SPHKAP: variants seen among roughly 807,000 people sequenced by gnomAD.
The protein encoded by SPHKAP is A-kinase anchor protein SPHKAP.
Under a neutral mutation model 137.5 loss-of-function variants are expected in SPHKAP, and 67 were observed. That is an observed-to-expected ratio of 0.49 (90% confidence interval 0.40 to 0.60). SPHKAP has a LOEUF of 0.60. Ranked by LOEUF, SPHKAP falls within the 20% of genes least tolerant of loss-of-function variation. The pLI, the probability that SPHKAP is intolerant of heterozygous loss-of-function variation, is 0.00. For missense variants in SPHKAP, 2,097 were observed against 2,069.3 expected, an observed-to-expected ratio of 1.01 and a Z score of -0.26; for synonymous variants, 813 against 785.3, an observed-to-expected ratio of 1.04 and a Z score of -0.59.
chr2:228,093,635 G>A (rs1461501846), intron 3 of SPHKAP, among the ~76,000 whole-genome samples: 1 of 151,846 alleles, frequency 6.6e-6, no homozygotes, highest in Admixed American at 6.6e-5. Context: ...TGAGGTGGGG[G>A]GACCACTAGG....
chr2:228,062,368 A>T (rs920310107), intron 3 of SPHKAP, among the ~76,000 whole-genome samples: 114 of 151,846 alleles, frequency 7.5e-4, no homozygotes, highest in African/African-American at 2.7e-3. Context: ...CAGGTGATCC[A>T]CCTGCCTCGG....
chr2:228,131,260 G>T (rs1430417018), intron 2 of SPHKAP: 1 of 980,992 alleles, frequency 1.0e-6, no homozygotes, highest in East Asian at 1.1e-4. Context: ...TGCAATAAAT[G>T]AAATAACTCA....
chr2:228,034,143 AAAG>A (rs1695474205), intron 3 of SPHKAP, among the ~76,000 whole-genome samples: 1 of 152,128 alleles, frequency 6.6e-6, no homozygotes, highest in African/African-American at 2.4e-5. Context: ...CAAGACTAAT[AAAG>A]AAGAAAAGAG....
intron 1 of SPHKAP, among the ~76,000 whole-genome samples, chr2:228,138,934 G>A (rs1175721840): frequency 6.6e-6 from 1 of 152,162 alleles, no homozygotes; most frequent in Non-Finnish European, 1.5e-5. Flanking sequence ...CTTCAGATTG[G>A]TGAAAATGTT....
At chr2:228,082,580 C>T (rs573938927) in intron 3 of SPHKAP, among the ~76,000 whole-genome samples, 92 of 152,286 alleles carry the variant, frequency 6.0e-4, no homozygotes, top group Non-Finnish European at 8.5e-4. Flanking sequence ...AAGGGATCCT[C>T]TGTCTTTGTA....
At chr2:228,107,863 G>T (rs1329006935) in intron 3 of SPHKAP, among the ~76,000 whole-genome samples, 1 of 152,164 alleles carries the variant, frequency 6.6e-6, no homozygotes, top group Non-Finnish European at 1.5e-5. Flanking sequence ...AGTACGAAAA[G>T]CAGCAGAATC....
intron 5 of SPHKAP, 40 bp from the exon 6 acceptor site, chr2:228,022,006 A>AAAAT (rs1474574876): frequency 6.5e-6 from 10 of 1,533,164 alleles, no homozygotes; most frequent in Non-Finnish European, 8.7e-6. Flanking sequence ...TTCAAAAGGG[A>AAAAT]AAATAAAAGA....
chr2:228,129,494 T>A (rs1401331077), intron 2 of SPHKAP, among the ~76,000 whole-genome samples: 1 of 152,170 alleles, frequency 6.6e-6, no homozygotes, highest in Non-Finnish European at 1.5e-5. Context: ...GATCTATCTT[T>A]GTATTTCTCC....
At chr2:228,145,144 C>T (rs1699738722) in intron 1 of SPHKAP, among the ~76,000 whole-genome samples, 1 of 152,160 alleles carries the variant, frequency 6.6e-6, no homozygotes, top group African/African-American at 2.4e-5. Flanking sequence ...AAGAGCCAAA[C>T]CTCTTGGAGC....
At chr2:228,073,977 G>A (rs1010186220) in intron 3 of SPHKAP, among the ~76,000 whole-genome samples, 1 of 152,104 alleles carries the variant, frequency 6.6e-6, no homozygotes, top group African/African-American at 2.4e-5. Flanking sequence ...GAACCACACT[G>A]TGAAATATCA....
intron 1 of SPHKAP, among the ~76,000 whole-genome samples, chr2:228,167,231 A>G (rs1233271362): frequency 2.0e-5 from 3 of 152,166 alleles, no homozygotes; most frequent in African/African-American, 7.2e-5. Flanking sequence ...GATACTTTTT[A>G]TAACGATCCA....
intron 1 of SPHKAP, among the ~76,000 whole-genome samples, chr2:228,160,522 A>G (rs929419303): frequency 6.6e-6 from 1 of 152,140 alleles, no homozygotes; most frequent in African/African-American, 2.4e-5. Flanking sequence ...CCCCTTATAA[A>G]ACCATCAGAC....
At position 228,122,278 on chromosome 2, in the gene SPHKAP, C is replaced by T. The variant is rs183294759; in HGVS notation, c.138+9702G>A. On this transcript the variant is annotated intron_variant, in intron 2 of 11. Coordinates refer to ENST00000392056, the MANE Select transcript of SPHKAP (RefSeq NM_001142644.2). ...CTAAGCTATTTGAAGTTTTCAGAGT[C>T]CCCCCTTTTGATTTTTTTTTAAAAA... Among the ~76,000 whole-genome samples the T allele has an allele frequency of 7.1e-3, 1,086 of 152,116 alleles. 12 individuals carry two copies. The highest frequency in any genetic ancestry group is 8.3e-3 in the Non-Finnish European group (567 of 68,002).
chr2:228,142,240 T>A (rs1457552102), intron 1 of SPHKAP, among the ~76,000 whole-genome samples: 1 of 150,282 alleles, frequency 6.7e-6, no homozygotes, highest in Non-Finnish European at 1.5e-5. Flanking sequence ...GCCCAGGGAC[T>A]GCTGGGCAGA....
At chr2:228,130,504 C>T (rs1357373127) in intron 2 of SPHKAP, among the ~76,000 whole-genome samples, 1 of 152,136 alleles carries the variant, frequency 6.6e-6, no homozygotes, top group African/African-American at 2.4e-5. Context: ...TGCTCAAGAT[C>T]GCACAAGTAA....
chr2:228,013,037 A>C (rs1457588003), intron 7 of SPHKAP, among the ~76,000 whole-genome samples: 2 of 152,232 alleles, frequency 1.3e-5, no homozygotes, highest in Non-Finnish European at 2.9e-5. Context: ...CCCATCTCCA[A>C]ACAAAATTAA....
intron 3 of SPHKAP, among the ~76,000 whole-genome samples, chr2:228,074,985 GAGA>G (rs1697131377): frequency 6.6e-6 from 1 of 152,268 alleles, no homozygotes; most frequent in African/African-American, 2.4e-5. Flanking sequence ...GGAGGAAAAA[GAGA>G]AGGAGGAAGG....
chr2:228,037,244 A>G (rs545998181), intron 3 of SPHKAP, among the ~76,000 whole-genome samples: 222 of 152,234 alleles, frequency 1.5e-3, no homozygotes, highest in South Asian at 8.5e-3. Flanking sequence ...CTGATTTTCA[A>G]TGCTGTACTA....
intron 2 of SPHKAP, among the ~76,000 whole-genome samples, chr2:228,123,256 C>T (rs1698967670): frequency 6.6e-6 from 1 of 152,196 alleles, no homozygotes; most frequent in Admixed American, 6.5e-5. Context: ...TTCTTCAATG[C>T]TTCTGATTAC....
Sources: gnomAD v4.1 joint callset for allele counts (sites outside exome capture counted in the v4.1 genomes callset) on GRCh38, gnomAD v4.1.1 for gene constraint, MANE v1.5 for transcripts, NCBI Gene and HGNC (gene_info 2026-07-23, HGNC 2026-07-21) for gene names.